The following ABR variants were observed in gnomAD, a reference collection of about 807,000 sequenced individuals.
ABR encodes active breakpoint cluster region-related protein.
Under a neutral mutation model 107.2 loss-of-function variants are expected in ABR, and 35 were observed. The ratio of observed to expected loss-of-function variants is 0.33; its 90% CI spans 0.25 to 0.43. The LOEUF (loss-of-function observed/expected upper bound fraction) is 0.43. ABR is among the 20% of genes least tolerant of loss of function. ABR has a pLI of 1.00. For missense variants in ABR, 815 were observed against 1,115.2 expected (o/e 0.73, Z 3.83); for synonymous variants, 498 against 462.0 (o/e 1.08, Z -1.00).
intron 3 of ABR, among the ~76,000 whole-genome samples, chr17:1,093,574 A>G (rs927117638): frequency 3.3e-5 from 5 of 152,158 alleles, no homozygotes; most frequent in Non-Finnish European, 7.4e-5. Context: ...GCTGTCCCCC[A>G]TAGGATTAAG....
intron 1 of ABR, among the ~76,000 whole-genome samples, chr17:1,211,254 G>A (rs912472741): frequency 6.6e-6 from 1 of 152,102 alleles, no homozygotes; most frequent in South Asian, 2.1e-4. Context: ...TTTCCAGCCT[G>A]GGCGACAGAG....
chr17:1,121,736 G>T (rs1438290578), intron 2 of ABR, among the ~76,000 whole-genome samples: 1 of 150,462 alleles, frequency 6.6e-6, no homozygotes, highest in Non-Finnish European at 1.5e-5. Context: ...TGGGATGGGA[G>T]CTGAGTCCCC....
At chr17:1,193,343 C>T (rs1444851901) in intron 1 of ABR, among the ~76,000 whole-genome samples, 5 of 151,746 alleles carry the variant, frequency 3.3e-5, no homozygotes, top group East Asian at 1.9e-4. Context: ...GCCCTTCGGC[C>T]GACGTGTCCC....
chr17:1,058,821 T>A lies in ABR; in HGVS notation c.1229A>T (p.Lys410Met), dbSNP rs770031170. The change falls in exon 11 of 23, where the codon AAG (lysine) becomes ATG (methionine). Residue 410 changes from lysine to methionine, a missense_variant. By Grantham distance (95) the Lys-to-Met change is moderately conservative. This residue lies in a region of ABR where 385 missense variants were observed against 596.9 expected (regional missense o/e 0.64). Transcript: ENST00000302538. Reference sequence around the variant, plus strand: ...CAGCAGGAACTCATTCTCAAACATCTTCTTCTTCAGGCGCTCGATGGCCCG... The same window carrying A: ...CAGCAGGAACTCATTCTCAAACATCATCTTCTTCAGGCGCTCGATGGCCCG... ...QSRAIERLKK[K>M]MFENEFLLLL... 1.9e-6 allele frequency: 3 copies of A among 1,614,100 alleles called. No homozygotes were observed. The highest frequency in any genetic ancestry group is 1.7e-5 in the Admixed American group (1 of 60,016).
At chr17:1,066,227 A>G (rs969945083) in intron 10 of ABR, among the ~76,000 whole-genome samples, 2 of 152,210 alleles carry the variant, frequency 1.3e-5, no homozygotes, top group Admixed American at 6.5e-5. Context: ...GTGGTCTGTG[A>G]ACATGACTTG....
intron 16 of ABR, among the ~76,000 whole-genome samples, chr17:1,038,446 G>A (rs993482023): frequency 2.0e-5 from 3 of 152,210 alleles, no homozygotes; most frequent in Non-Finnish European, 2.9e-5. Context: ...TGGCAGCCTC[G>A]AGAGGGGACA....
chr17:1,138,348 T>C (rs1298135641), intron 1 of ABR, among the ~76,000 whole-genome samples: 1 of 152,146 alleles, frequency 6.6e-6, no homozygotes, highest in Non-Finnish European at 1.5e-5. Flanking sequence ...GAAGCAACTT[T>C]CCAGGACACT....
chr17:1,057,881 G>A (rs972681081), intron 12 of ABR, 89 bp downstream of exon 12: 33 of 1,218,592 alleles, frequency 2.7e-5, no homozygotes, highest in South Asian at 1.3e-4. Context: ...GGCCAAAGAC[G>A]TGATACTGGA....
intron 1 of ABR, among the ~76,000 whole-genome samples, chr17:1,219,229 AG>A (rs975668452): frequency 5.3e-5 from 8 of 151,772 alleles, no homozygotes; most frequent in Non-Finnish European, 8.8e-5. Context: ...TTTTTAGTAG[AG>A]ATGGGGTTTC....
In ABR at chr17:1,037,310, C is replaced by T. The variant is rs1037362504; in HGVS notation, c.1791+12740G>A. The stretch of plus-strand genomic sequence containing the variant: ...CCGGCTCATAGGGCAGTCCCGAGTA[C>T]GTGCTGCTTCTCACACAGCTCCAGC... On this transcript the variant is annotated intron_variant, in intron 16 of 22. Transcript: ENST00000302538. This position sits in a 1 kb window ranked among gnomAD's most constrained non-coding sequence, Gnocchi z 4.6. Among the ~76,000 whole-genome samples, 7 of 152,340 alleles carry T rather than the reference C, an allele frequency of 4.6e-5. No homozygotes were observed. Among genetic ancestry groups the T allele is most frequent in the East Asian group, 1.9e-4 (1 of 5,178 alleles).
At chr17:1,038,717 G>A (rs2073389084) in intron 16 of ABR, among the ~76,000 whole-genome samples, 1 of 152,228 alleles carries the variant, frequency 6.6e-6, no homozygotes, top group South Asian at 2.1e-4. Context: ...TGCGGTGGCC[G>A]CAGGCTTGAG....
Position 1,078,682 on chromosome 17 carries a change from A to C in ABR, c.700+648T>G. On this transcript the variant is annotated intron_variant, in intron 6 of 22. Transcript: ENST00000302538. The surrounding 1 kb of genome is among the most constrained non-coding windows in gnomAD (Gnocchi z 7.5). ...TGGATGCCGCCAAAACGAAGGGGGAATTCAGGTCCAGCCGCTCGCCCACCC... is the reference window on the plus strand; with the variant it reads ...TGGATGCCGCCAAAACGAAGGGGGACTTCAGGTCCAGCCGCTCGCCCACCC... The C allele has an allele frequency of 7.5e-6, 7 of 930,964 alleles. No homozygotes were observed. The highest frequency in any genetic ancestry group is 2.7e-5 in the East Asian group (1 of 36,860). The allele number at this position is 930,964 out of a possible 1,614,324, so 57.7% of individuals were successfully genotyped here.
At chr17:1,032,949 A>T (rs1407056124) in intron 16 of ABR, among the ~76,000 whole-genome samples, 1 of 152,186 alleles carries the variant, frequency 6.6e-6, no homozygotes, top group Non-Finnish European at 1.5e-5. Flanking sequence ...TGAGCCTCAC[A>T]TTCTTGTCAT....
chr17:1,143,611 C>G (rs73975651), intron 1 of ABR, among the ~76,000 whole-genome samples: 2,185 of 152,104 alleles, frequency 0.014, 56 homozygotes, highest in African/African-American at 0.05. Flanking sequence ...GGAACAGACT[C>G]GAGGCCCCAC....
intron 2 of ABR, among the ~76,000 whole-genome samples, chr17:1,119,699 C>A (rs967938687): frequency 9.4e-4 from 143 of 152,322 alleles, no homozygotes; most frequent in African/African-American, 3.4e-3. Context: ...GGCGGATGCA[C>A]CCCACAAGTG....
At chr17:1,061,791 C>T (rs1226984536) in intron 10 of ABR, among the ~76,000 whole-genome samples, 1 of 152,184 alleles carries the variant, frequency 6.6e-6, no homozygotes, top group Non-Finnish European at 1.5e-5. Flanking sequence ...AAGTGACCCA[C>T]CCGTCTCAGC....
chr17:1,008,185 G>GT (rs1396399089), intron 21 of ABR, among the ~76,000 whole-genome samples: 3 of 152,220 alleles, frequency 2.0e-5, no homozygotes, highest in Non-Finnish European at 2.9e-5. Context: ...CTTCCCTGGG[G>GT]TAACAGCAGG....
rs1369888997 is a variant in ABR, at chr17:1,054,507, A to G, written c.1561+1528T>C. On this transcript the variant is annotated intron_variant, in intron 14 of 22. Coordinates refer to ENST00000302538, the MANE Select transcript of ABR (RefSeq NM_021962.5). ...CACAAGGAACCTCAAAGGGATGGGG[A>G]TACAAGGAACCTCAGGGGATGGGGG... Among the ~76,000 whole-genome samples, 309 of 131,586 alleles carry G rather than the reference A, an allele frequency of 2.3e-3. 6 individuals carry two copies. The highest frequency in any genetic ancestry group is 9.6e-3 in the African/African-American group (290 of 30,304). 86.3% of individuals were successfully genotyped at this position (131,586 alleles called of 152,430 possible).
rs1567889298 is a variant in ABR, at chr17:1,203,451, GC to G, written c.838+25341del. Among the ~76,000 whole-genome samples the G allele has an allele frequency of 5.9e-4, 21 of 35,618 alleles. 7 individuals are homozygous for G. In the East Asian group the frequency reaches 0.035, roughly 60 times the overall value. The allele number at this position is 35,618 out of a possible 152,430, so 23.4% of individuals were successfully genotyped here. ...GCCCGCGGGGACGGAGTCTGCGGGG[GC>G]GGGGCCCGCGGGGACGGAGTCTGCG... On this transcript the variant is annotated intron_variant, in intron 1 of 22. Transcript: ENST00000574139.
Sources: allele counts gnomAD v4.1 joint callset (sites outside exome capture counted in the v4.1 genomes callset), GRCh38; gene constraint gnomAD v4.1.1; regional missense constraint gnomAD v4.1.1; non-coding constraint Gnocchi (gnomAD v3.1); transcripts MANE v1.5; gene names NCBI Gene and HGNC (gene_info 2026-07-23, HGNC 2026-07-21).